Variants in RBM18 observed in about 807,000 individuals in gnomAD.
The protein encoded by RBM18 is probable RNA-binding protein 18.
RBM18 carries 18 observed loss-of-function variants against 26.4 expected under a neutral mutation model. The observed-to-expected ratio is 0.68, with a 90% confidence interval of 0.47 to 1.01. The LOEUF is 1.01. Ranked by LOEUF, RBM18 falls within the 50% of genes least tolerant of loss-of-function variation. The pLI is 0.00. For synonymous variants in RBM18, 74 were observed against 81.1 expected, an observed-to-expected ratio of 0.91 and a Z score of 0.47; for missense variants, 180 against 219.2, an observed-to-expected ratio of 0.82 and a Z score of 1.13.
chr9:122,259,263 C>T (rs1390734905), intron 2 of RBM18, among the ~76,000 whole-genome samples: 1 of 152,190 alleles, frequency 6.6e-6, no homozygotes, highest in African/African-American at 2.4e-5. Flanking sequence ...GAAGTGCAGC[C>T]AACACAACCA....
chr9:122,243,089 A>C (rs565538671), intron 5 of RBM18, among the ~76,000 whole-genome samples: 25 of 151,996 alleles, frequency 1.6e-4, no homozygotes, highest in African/African-American at 6.0e-4. Context: ...TGACCTCCCA[A>C]AGTGCTGGGA....
intron 2 of RBM18, among the ~76,000 whole-genome samples, chr9:122,258,216 G>A (rs184059555): frequency 5.9e-5 from 9 of 152,210 alleles, no homozygotes; most frequent in African/African-American, 2.2e-4. Context: ...ATTAAATGAG[G>A]TAATATTAAT....
rs546776223 is a variant in RBM18 at position 122,261,782 on chromosome 9, G to C, written c.-16-274C>G. On this transcript the variant is annotated intron_variant, in intron 1 of 5. Coordinates refer to ENST00000417201, the MANE Select transcript of RBM18 (RefSeq NM_033117.4). Reference sequence around the variant, plus strand: ...CCTCCTCTGAAGCCAGAGGCTGACTGGGCAGGAGGCCAAAGTCTCTATTAC... The same window carrying C: ...CCTCCTCTGAAGCCAGAGGCTGACTCGGCAGGAGGCCAAAGTCTCTATTAC... 5.3e-5 allele frequency among the ~76,000 whole-genome samples: 8 copies of C among 152,320 alleles called. No homozygotes were observed. The East Asian group carries it at 1.5e-3, about 29-fold the overall frequency.
At chr9:122,246,325 T>C (rs745797925) in intron 4 of RBM18, among the ~76,000 whole-genome samples, 1 of 152,140 alleles carries the variant, frequency 6.6e-6, no homozygotes, top group Non-Finnish European at 1.5e-5. Context: ...TACATACTTC[T>C]TGTAAAAAGC....
chr9:122,252,368 C>A (rs1020060072), intron 2 of RBM18, among the ~76,000 whole-genome samples: 1 of 152,162 alleles, frequency 6.6e-6, no homozygotes, highest in Non-Finnish European at 1.5e-5. Context: ...GAAACACACA[C>A]CCATTCTCCA....
At chr9:122,264,353 T>C (rs1170487275) in intron 1 of RBM18, among the ~76,000 whole-genome samples, 3 of 152,246 alleles carry the variant, frequency 2.0e-5, no homozygotes, top group African/African-American at 4.8e-5. Flanking sequence ...TGCTTTGCGT[T>C]TGCAATAGCA....
chr9:122,241,792 G>T lies in RBM18; in HGVS notation c.*92C>A. ...TGCTAACATGTGATTGTGCTCCGTT[G>T]AATAGTACCATTCACATCTACAAAG... is the stretch of plus-strand genomic sequence containing the variant. On this transcript the variant is annotated 3_prime_UTR_variant, in exon 6 of 6. Coordinates refer to ENST00000417201, the MANE Select transcript of RBM18 (RefSeq NM_033117.4). 1.9e-6 allele frequency: 2 copies of T among 1,072,824 alleles called. No individual in the cohort carries two copies. The highest frequency in any genetic ancestry group is 2.4e-5 in the East Asian group (1 of 41,934). 66.5% of individuals were successfully genotyped at this position (1,072,824 alleles called of 1,614,324 possible). A position where few individuals can be genotyped will look rare whatever the true frequency, so the allele number is the denominator to read the frequency against.
At chr9:122,252,254 C>G (rs2118963719) in intron 2 of RBM18, among the ~76,000 whole-genome samples, 1 of 152,316 alleles carries the variant, frequency 6.6e-6, no homozygotes, top group Non-Finnish European at 1.5e-5. Context: ...CCTACAAGCA[C>G]TATTTGTTTT....
chr9:122,246,656 C>T (rs1831510410), intron 4 of RBM18, among the ~76,000 whole-genome samples: 3 of 152,294 alleles, frequency 2.0e-5, no homozygotes, highest in South Asian at 2.1e-4. Flanking sequence ...TCAGCTTGGA[C>T]ATTGAGCTTA....
chr9:122,241,470 ACTTTTT>A lies in RBM18; in HGVS notation c.*408_*413del, dbSNP rs1831418962. On this transcript the variant is annotated 3_prime_UTR_variant, in exon 6 of 6. Transcript: ENST00000417201. ...TCTCTCACTTCCCTCCCTGCCTTTT[ACTTTTT>A]CTTTATGTTGTAAAAGACACACGAG... 6.5e-6 allele frequency: 1 copy of A among 153,908 alleles called. No individual in the cohort carries two copies. The highest frequency in any genetic ancestry group is 2.1e-4 in the South Asian group (1 of 4,854). The allele number at this position is 153,908 out of a possible 1,614,324, so 9.5% of individuals were successfully genotyped here.
At chr9:122,247,444 G>C in intron 4 of RBM18, 74 bp downstream of exon 4, 1 of 1,254,618 alleles carries the variant, frequency 8.0e-7, no homozygotes, top group Non-Finnish European at 1.2e-6. Flanking sequence ...GACATAAACG[G>C]GTAAGTGGAC....
At chr9:122,251,744 C>T (rs1245611094) in intron 3 of RBM18, 103 bp downstream of exon 3, 1 of 1,032,376 alleles carries the variant, frequency 9.7e-7, no homozygotes, top group Non-Finnish European at 1.4e-6. Context: ...TCAGACATGG[C>T]TCCTGCCTAC....
At chr9:122,251,265 C>G (rs559425261) in intron 3 of RBM18, among the ~76,000 whole-genome samples, 1 of 152,122 alleles carries the variant, frequency 6.6e-6, no homozygotes, top group African/African-American at 2.4e-5. Context: ...AAGTACTATG[C>G]GGCATCTCTA....
At chr9:122,258,097 G>A (rs1457645495) in intron 2 of RBM18, among the ~76,000 whole-genome samples, 2 of 152,092 alleles carry the variant, frequency 1.3e-5, no homozygotes, top group African/African-American at 4.8e-5. Flanking sequence ...TGCCCTCAGA[G>A]GAACAAGATC....
Position 122,264,732 on chromosome 9 carries a change from G to A in RBM18, c.-34C>T, listed in dbSNP as rs1564462317. ...GAACTCACCTCGTGGCCTCGGCGTG[G>A]TGCTCTCAGCTCATGCCCGGAAACC... On this transcript the variant is annotated 5_prime_UTR_variant, in exon 1 of 6. Coordinates refer to ENST00000417201, the MANE Select transcript of RBM18 (RefSeq NM_033117.4). 1 of 152,280 alleles carries A rather than the reference G, an allele frequency of 6.6e-6. No homozygotes were observed. The highest frequency in any genetic ancestry group is 1.5e-5 in the Non-Finnish European group (1 of 68,100). The allele number at this position is 152,280 out of a possible 1,614,324, so 9.4% of individuals were successfully genotyped here. A position where few individuals can be genotyped will look rare whatever the true frequency, so the allele number is the denominator to read the frequency against.
intron 2 of RBM18, among the ~76,000 whole-genome samples, chr9:122,253,884 C>T (rs966842877): frequency 5.3e-5 from 8 of 151,632 alleles, no homozygotes; most frequent in African/African-American, 1.2e-4. Flanking sequence ...AAAAATTAGC[C>T]AAGCATGGTG....
chr9:122,254,057 A>AAC (rs1831648921), intron 2 of RBM18, among the ~76,000 whole-genome samples: 1 of 151,664 alleles, frequency 6.6e-6, no homozygotes, highest in Admixed American at 6.6e-5. Context: ...AACCCACAAA[A>AAC]ACACACACAC....
intron 5 of RBM18, among the ~76,000 whole-genome samples, chr9:122,242,710 T>A (rs1831442130): frequency 6.6e-6 from 1 of 151,978 alleles, no homozygotes; most frequent in Non-Finnish European, 1.5e-5. Flanking sequence ...AAGGCTGTAA[T>A]ACAGTGGTGC....
Position 122,238,170 on chromosome 9 carries a change from A to C in RBM18, c.*3714T>G, listed in dbSNP as rs965944266. On this transcript the variant is annotated 3_prime_UTR_variant, in exon 6 of 6. Transcript: ENST00000417201. ...AGGGGGCTATATGAGATGGTCTCTT[A>C]AGGCCCTTTGGCTCTCAAATACCAG... The C allele has an allele frequency of 6.6e-6, 1 of 152,210 alleles. No homozygotes were observed. The highest frequency in any genetic ancestry group is 6.5e-5 in the Admixed American group (1 of 15,282). 9.4% of individuals were successfully genotyped at this position (152,210 alleles called of 1,614,324 possible). A position where few individuals can be genotyped will look rare whatever the true frequency, so the allele number is the denominator to read the frequency against.
Sources: allele counts gnomAD v4.1 joint callset (sites outside exome capture counted in the v4.1 genomes callset), GRCh38; gene constraint gnomAD v4.1.1; transcripts MANE v1.5; gene names NCBI Gene and HGNC (gene_info 2026-07-23, HGNC 2026-07-21).